The following GALNTL6 variants were observed in gnomAD, a reference collection of about 807,000 sequenced individuals.
GALNTL6 encodes the protein polypeptide N-acetylgalactosaminyltransferase like 6, also known as polypeptide N-acetylgalactosaminyltransferase-like 6.
Under a neutral mutation model 73.7 loss-of-function variants are expected in GALNTL6, and 46 were observed. The observed-to-expected ratio is 0.62, with a 90% CI of 0.49 to 0.80. GALNTL6 has a LOEUF of 0.80. Ranked by LOEUF, GALNTL6 falls within the 30% of genes least tolerant of loss-of-function variation. GALNTL6 has a pLI of 0.00. For missense variants in GALNTL6, 604 were observed against 755.0 expected (o/e 0.80, Z 2.34); for synonymous variants, 259 against 263.7 (o/e 0.98, Z 0.17).
chr4:172,482,898 C>T (rs1403269363), intron 5 of GALNTL6, among the ~76,000 whole-genome samples: 2 of 152,114 alleles, frequency 1.3e-5, no homozygotes, highest in East Asian at 3.8e-4. Flanking sequence ...TATAAAAACT[C>T]TAAAGATATC....
intron 10 of GALNTL6, among the ~76,000 whole-genome samples, chr4:172,998,484 A>G (rs1266670282): frequency 6.6e-6 from 1 of 152,194 alleles, no homozygotes; most frequent in African/African-American, 2.4e-5. Flanking sequence ...TCCTGTATAT[A>G]TCATTCCCAT....
intron 5 of GALNTL6, among the ~76,000 whole-genome samples, chr4:172,487,710 G>A (rs1445158264): frequency 6.6e-6 from 1 of 151,934 alleles, no homozygotes; most frequent in Non-Finnish European, 1.5e-5. Context: ...TCTTAATTTA[G>A]TGACCTACTT....
chr4:172,255,586 T>A lies in GALNTL6; in HGVS notation c.247+25822T>A, dbSNP rs376325680. On this transcript the variant is annotated intron_variant, in intron 3 of 12. Transcript: ENST00000506823. ...TACTTTTCTCTTTTGGTGCATATTA[T>A]GATCTTATTTCTACTCTCAATAAAT... Among the ~76,000 whole-genome samples the A allele has an allele frequency of 1.5e-4, 22 of 151,512 alleles. No homozygotes were observed. The South Asian group carries it at 4.6e-3, about 31-fold the overall frequency.
At chr4:172,536,822 G>A (rs2110861764) in intron 5 of GALNTL6, among the ~76,000 whole-genome samples, 1 of 152,310 alleles carries the variant, frequency 6.6e-6, no homozygotes, top group East Asian at 1.9e-4. Context: ...GCCAGCAGCA[G>A]AAATTTGCAT....
intron 3 of GALNTL6, among the ~76,000 whole-genome samples, chr4:172,282,859 A>G (rs1437670196): frequency 6.6e-6 from 1 of 152,202 alleles, no homozygotes. Flanking sequence ...AACAAACAGG[A>G]GAAAGGAAGA....
At chr4:172,551,376 G>A (rs1259269928) in intron 5 of GALNTL6, among the ~76,000 whole-genome samples, 1 of 151,972 alleles carries the variant, frequency 6.6e-6, no homozygotes, top group Non-Finnish European at 1.5e-5. Flanking sequence ...TAATTTCAGA[G>A]TAACATAATA....
At chr4:172,683,399 T>C (rs139261620) in intron 5 of GALNTL6, among the ~76,000 whole-genome samples, 266 of 152,356 alleles carry the variant, frequency 1.7e-3, no homozygotes, top group African/African-American at 6.3e-3. Flanking sequence ...TAAAATACTT[T>C]GGTCACTGGA....
intron 5 of GALNTL6, among the ~76,000 whole-genome samples, chr4:172,607,784 C>T (rs1213326038): frequency 6.6e-6 from 1 of 152,008 alleles, no homozygotes; most frequent in Non-Finnish European, 1.5e-5. Context: ...TAAAAATAGC[C>T]ATTCTAACTG....
At chr4:172,055,975 C>A (rs1293234322) in intron 2 of GALNTL6, among the ~76,000 whole-genome samples, 1 of 151,982 alleles carries the variant, frequency 6.6e-6, no homozygotes, top group Non-Finnish European at 1.5e-5. Context: ...AGCAGCAAAG[C>A]AATTCAATAC....
intron 8 of GALNTL6, among the ~76,000 whole-genome samples, chr4:172,929,521 G>A (rs1183986949): frequency 6.6e-6 from 1 of 152,108 alleles, no homozygotes; most frequent in Non-Finnish European, 1.5e-5. Context: ...TTCAGAGTAG[G>A]TGGGCAAGCT....
chr4:172,869,671 A>G (rs1214843975), intron 7 of GALNTL6, among the ~76,000 whole-genome samples: 2 of 152,160 alleles, frequency 1.3e-5, no homozygotes, highest in African/African-American at 2.4e-5. Context: ...CTTGTGAGAA[A>G]AGACTATAGT....
chr4:172,246,751 C>G (rs1737674160), intron 3 of GALNTL6, among the ~76,000 whole-genome samples: 1 of 150,266 alleles, frequency 6.7e-6, no homozygotes. Flanking sequence ...AACATGAGAA[C>G]AAATTCAGAA....
intron 2 of GALNTL6, among the ~76,000 whole-genome samples, chr4:172,033,506 G>A (rs1269623538): frequency 6.6e-6 from 1 of 151,898 alleles, no homozygotes; most frequent in Non-Finnish European, 1.5e-5. Context: ...AAATTATGAA[G>A]ATCCACAGAG....
chr4:172,739,886 T>C (rs1384281420), intron 5 of GALNTL6, among the ~76,000 whole-genome samples: 2 of 151,726 alleles, frequency 1.3e-5, no homozygotes, highest in Non-Finnish European at 2.9e-5. Flanking sequence ...AAAGGGACAG[T>C]TAGAAATAAG....
At chr4:172,576,698 C>T (rs545237278) in intron 5 of GALNTL6, among the ~76,000 whole-genome samples, 2 of 152,120 alleles carry the variant, frequency 1.3e-5, no homozygotes, top group African/African-American at 4.8e-5. Flanking sequence ...GCACCTGATA[C>T]ATTTGTGGTG....
chr4:172,013,935 A>C (rs1741102373), intron 2 of GALNTL6, among the ~76,000 whole-genome samples: 2 of 146,414 alleles, frequency 1.4e-5, no homozygotes, highest in African/African-American at 2.5e-5. Context: ...AGTTGTTTTA[A>C]TTTTTAGCTT....
intron 3 of GALNTL6, among the ~76,000 whole-genome samples, chr4:172,297,062 G>C (rs563549652): frequency 3.0e-4 from 45 of 152,262 alleles, no homozygotes; most frequent in African/African-American, 1.0e-3. Flanking sequence ...ATTCTGACTG[G>C]TGTGAGATGG....
chr4:172,519,404 AC>A (rs1296974309), intron 5 of GALNTL6, among the ~76,000 whole-genome samples: 1 of 151,074 alleles, frequency 6.6e-6, no homozygotes, highest in Non-Finnish European at 1.5e-5. Context: ...TAGTTGACCA[AC>A]CCTCTTCACC....
chr4:173,031,574 C>A (rs767377650), intron 12 of GALNTL6, among the ~76,000 whole-genome samples: 53 of 151,826 alleles, frequency 3.5e-4, no homozygotes, highest in Middle Eastern at 3.2e-3. Flanking sequence ...TCCTGTTTGT[C>A]CACATTCACT....
Sources: allele counts gnomAD v4.1 joint callset (sites outside exome capture counted in the v4.1 genomes callset), GRCh38; gene constraint gnomAD v4.1.1; transcripts MANE v1.5; gene names NCBI Gene and HGNC (gene_info 2026-07-23, HGNC 2026-07-21).